Variants in DNAH8 observed in about 807,000 individuals in gnomAD.
The protein encoded by DNAH8 is dynein axonemal heavy chain 8, also known as axonemal beta dynein heavy chain 8.
DNAH8 carries 382 observed loss-of-function variants against 562.1 expected under a neutral mutation model. That is an observed-to-expected ratio of 0.68 (90% CI 0.63 to 0.74). The LOEUF (loss-of-function observed/expected upper bound fraction) is 0.74, where lower values mean the gene tolerates loss of function less well. Among genes scored for constraint, DNAH8 ranks in the 30% least tolerant of loss-of-function variants. The pLI is 0.00. For missense variants in DNAH8, 5,203 were observed against 5,620.4 expected, an observed-to-expected ratio of 0.93 and a Z score of 2.37; for synonymous variants, 1,881 against 1,919.4, an observed-to-expected ratio of 0.98 and a Z score of 0.52.
intron 42 of DNAH8, among the ~76,000 whole-genome samples, chr6:38,858,585 G>A (rs1227254848): frequency 6.6e-6 from 1 of 152,142 alleles, no homozygotes; most frequent in African/African-American, 2.4e-5. Flanking sequence ...GGTGAAAAGA[G>A]CAGAATCTCC....
At chr6:38,841,235 A>G (rs933793334) in intron 33 of DNAH8, among the ~76,000 whole-genome samples, 1 of 152,076 alleles carries the variant, frequency 6.6e-6, no homozygotes, top group Non-Finnish European at 1.5e-5. Flanking sequence ...CCTAGCTAAC[A>G]TGATGAGACC....
At chr6:38,912,191 T>C (rs1188343872) in intron 66 of DNAH8, among the ~76,000 whole-genome samples, 2 of 152,166 alleles carry the variant, frequency 1.3e-5, no homozygotes, top group East Asian at 1.9e-4. Context: ...GGGCTGAGTA[T>C]GGTGGCTGAT....
Position 38,923,078 on chromosome 6 carries a change from T to TA in DNAH8, c.10684dup (p.Thr3562AsnfsTer28). ...TGCAGGATTTGCTTAATGACGCTGA[T>TA]ACGTGCCGGAAAAAGATGCAGGCCG... On this transcript the variant is annotated frameshift_variant, in exon 72 of 93. Coordinates refer to ENST00000327475, the MANE Select transcript of DNAH8 (RefSeq NM_001206927.2). LOFTEE classifies it high-confidence loss of function. 6.2e-7 allele frequency: 1 copy of TA among 1,613,606 alleles called. No homozygotes were observed. Among genetic ancestry groups the TA allele is most frequent in the Non-Finnish European group, 8.5e-7 (1 of 1,179,740 alleles).
intron 79 of DNAH8, among the ~76,000 whole-genome samples, chr6:38,941,252 A>T (rs1188548981): frequency 6.6e-6 from 1 of 152,256 alleles, no homozygotes; most frequent in East Asian, 1.9e-4. Context: ...TTTCTAACCC[A>T]CAAGGTGATA....
At chr6:38,970,953 C>T (rs558232446) in intron 82 of DNAH8, among the ~76,000 whole-genome samples, 1 of 152,248 alleles carries the variant, frequency 6.6e-6, no homozygotes, top group Non-Finnish European at 1.5e-5. Flanking sequence ...CATTTCTCAT[C>T]GTGGAGTGTT....
At chr6:38,737,730 A>G (rs1764207319) in intron 6 of DNAH8, 79 bp from the exon 7 acceptor site, 3 of 631,478 alleles carry the variant, frequency 4.8e-6, no homozygotes, top group Non-Finnish European at 4.4e-6. Flanking sequence ...ACTATTAAAT[A>G]TTATTTAATA....
In DNAH8 at chr6:38,973,704, T is replaced by A. The variant is rs572480745; in HGVS notation, c.12569T>A (p.Phe4190Tyr). 2 of 1,607,494 alleles carry A rather than the reference T, an allele frequency of 1.2e-6. No individual in the cohort carries two copies. The highest frequency in any genetic ancestry group is 2.3e-5 in the East Asian group (1 of 44,312). Residue 4190 changes from phenylalanine to tyrosine, a missense_variant, in exon 84 of 93, where the codon TTC (phenylalanine) becomes TAC (tyrosine). Physicochemically the swap from Phe to Tyr is conservative, Grantham distance 22. Coordinates refer to ENST00000327475, the MANE Select transcript of DNAH8 (RefSeq NM_001206927.2). ...CAAAATTGCCACCTTGGCCTGGAATTCATGGAAGAATTACTAGAGACGCTA... is the reference window on the plus strand; with the variant it reads ...CAAAATTGCCACCTTGGCCTGGAATACATGGAAGAATTACTAGAGACGCTA... The part of the protein sequence containing the change: ...LLQNCHLGLE[F>Y]MEELLETLIT...
chr6:38,990,187 T>G lies in DNAH8; in HGVS notation c.13214+15T>G, dbSNP rs1298201930. 11 of 1,572,382 alleles carry G rather than the reference T, an allele frequency of 7.0e-6. No homozygotes were observed. Among genetic ancestry groups the G allele is most frequent in the Non-Finnish European group, 8.7e-7 (1 of 1,155,746 alleles). Reference sequence around the variant, plus strand: ...GCTGATATCACGTAAGTCCCTGGCATTTTTTAATTTGAAGGGGTCATTTGT... The same window carrying G: ...GCTGATATCACGTAAGTCCCTGGCAGTTTTTAATTTGAAGGGGTCATTTGT... On this transcript the variant is annotated intron_variant, in intron 88 of 92. Transcript: ENST00000327475.
intron 36 of DNAH8, 150 bp from the exon 37 acceptor site, chr6:38,848,498 T>A: frequency 1.7e-6 from 1 of 603,282 alleles, no homozygotes; most frequent in South Asian, 2.3e-5. Flanking sequence ...CAACAGTTTT[T>A]ATTAGCTGTA....
chr6:39,008,063 A>G (rs1454972863), intron 88 of DNAH8, among the ~76,000 whole-genome samples: 1 of 151,532 alleles, frequency 6.6e-6, no homozygotes, highest in Non-Finnish European at 1.5e-5. Flanking sequence ...AAAGAAAGCT[A>G]GAGAGTGGGA....
intron 28 of DNAH8, among the ~76,000 whole-genome samples, chr6:38,823,911 C>T (rs997900828): frequency 1.3e-5 from 2 of 151,968 alleles, no homozygotes; most frequent in Non-Finnish European, 2.9e-5. Context: ...TTGCACCAAC[C>T]TAATATAAAT....
At chr6:38,722,583 G>GGTGT (rs972274305) in intron 1 of DNAH8, among the ~76,000 whole-genome samples, 193 bp from the exon 2 acceptor site, 3 of 149,034 alleles carry the variant, frequency 2.0e-5, no homozygotes, top group Non-Finnish European at 4.5e-5. Context: ...GGTGGGTGGG[G>GGTGT]GTGTGTGTGT....
chr6:38,820,673 A>G (rs571064358), intron 26 of DNAH8, among the ~76,000 whole-genome samples: 2 of 152,348 alleles, frequency 1.3e-5, no homozygotes, highest in South Asian at 2.1e-4. Flanking sequence ...AGTGTTGTAT[A>G]GTTTGACCAA....
intron 88 of DNAH8, among the ~76,000 whole-genome samples, chr6:38,990,458 G>A (rs1439836653): frequency 6.6e-6 from 1 of 152,156 alleles, no homozygotes; most frequent in Non-Finnish European, 1.5e-5. Flanking sequence ...GTTAGTGGTA[G>A]CAGTGCTCTC....
intron 82 of DNAH8, among the ~76,000 whole-genome samples, chr6:38,954,802 T>C (rs543625556): frequency 6.6e-6 from 1 of 151,928 alleles, no homozygotes; most frequent in South Asian, 2.1e-4. Context: ...TCAGAAAAGG[T>C]AGAAAACCCT....
chr6:38,868,751 A>G lies in DNAH8; in HGVS notation c.6828+555A>G, dbSNP rs79826328. On this transcript the variant is annotated intron_variant, in intron 48 of 92. Coordinates refer to ENST00000327475, the MANE Select transcript of DNAH8 (RefSeq NM_001206927.2). ...AGTGGTGCAATCTTGGCTCACTGCA[A>G]CCTCCTCATTCCAGGCTCAAGCTAT... Among the ~76,000 whole-genome samples, 1,543 of 151,096 alleles carry G rather than the reference A, an allele frequency of 0.01. 84 individuals carry two copies. The East Asian group carries it at 0.15, about 14-fold the overall frequency.
At chr6:38,882,721 A>T (rs1778596940) in intron 53 of DNAH8, among the ~76,000 whole-genome samples, 189 bp from the exon 54 acceptor site, 1 of 152,186 alleles carries the variant, frequency 6.6e-6, no homozygotes, top group Non-Finnish European at 1.5e-5. Flanking sequence ...CTGACTTTAT[A>T]AAAAAAGGCA....
chr6:38,857,495 A>G, intron 41 of DNAH8, 23 bp from the exon 42 acceptor site: 1 of 1,544,570 alleles, frequency 6.5e-7, no homozygotes, highest in African/African-American at 1.4e-5. Context: ...GCAAATTTTA[A>G]TATTTTTCTG....
chr6:38,904,572 C>T (rs1272247821), intron 62 of DNAH8, among the ~76,000 whole-genome samples: 1 of 152,008 alleles, frequency 6.6e-6, no homozygotes, highest in Non-Finnish European at 1.5e-5. Flanking sequence ...GGGCGGATCA[C>T]CTGAGGTGAG....
Sources: gnomAD v4.1 joint callset for allele counts (sites outside exome capture counted in the v4.1 genomes callset) on GRCh38, gnomAD v4.1.1 for gene constraint, MANE v1.5 for transcripts, NCBI Gene and HGNC (gene_info 2026-07-23, HGNC 2026-07-21) for gene names.